Variants in BMPR1B observed in about 807,000 individuals in gnomAD.
The protein encoded by BMPR1B is bone morphogenetic protein receptor type-1B.
Under a neutral mutation model 59.1 loss-of-function variants are expected in BMPR1B, and 12 were observed. That is an observed-to-expected ratio of 0.20 (90% CI 0.13 to 0.33). The LOEUF is 0.33. BMPR1B is among the 10% of genes least tolerant of loss of function. The pLI is 1.00. For missense variants in BMPR1B, 550 were observed against 610.9 expected (o/e 0.90, Z 1.05); for synonymous variants, 237 against 207.3 (o/e 1.14, Z -1.23).
chr4:94,955,637 C>CTTTTTTTT (rs148110827), intron 2 of BMPR1B, among the ~76,000 whole-genome samples: 76,628 of 147,078 alleles, frequency 0.52, 20,404 homozygotes, highest in South Asian at 0.63. Flanking sequence ...ACATTTAATT[C>CTTTTTTTT]TTTTTTTTTA....
chr4:95,000,806 A>G (rs1489089952), intron 3 of BMPR1B, among the ~76,000 whole-genome samples: 1 of 152,192 alleles, frequency 6.6e-6, no homozygotes, highest in African/African-American at 2.4e-5. Flanking sequence ...TTGTGGTTGG[A>G]ATGAGGCATA....
intron 10 of BMPR1B, among the ~76,000 whole-genome samples, chr4:95,143,195 G>C (rs936846420): frequency 2.0e-5 from 3 of 152,206 alleles, no homozygotes; most frequent in Non-Finnish European, 2.9e-5. Context: ...AGGCAGCAGT[G>C]CTGTGCTAAG....
intron 2 of BMPR1B, among the ~76,000 whole-genome samples, chr4:94,948,306 CAT>C (rs1223846361): frequency 6.6e-6 from 1 of 152,154 alleles, no homozygotes; most frequent in African/African-American, 2.4e-5. Flanking sequence ...CTAGATCAAA[CAT>C]GTTCAGAAGC....
intron 2 of BMPR1B, among the ~76,000 whole-genome samples, chr4:94,954,729 A>T (rs1578845733): frequency 6.6e-6 from 1 of 152,120 alleles, no homozygotes; most frequent in African/African-American, 2.4e-5. Context: ...TTTTTAAATG[A>T]TGGAGACCAC....
chr4:94,946,312 C>T (rs1424348013), intron 2 of BMPR1B, among the ~76,000 whole-genome samples: 2 of 152,092 alleles, frequency 1.3e-5, no homozygotes, highest in African/African-American at 4.8e-5. Context: ...CTTAATTTCT[C>T]ATTAAATAAG....
intron 2 of BMPR1B, among the ~76,000 whole-genome samples, chr4:94,926,909 A>T (rs1041825198): frequency 1.3e-5 from 2 of 152,146 alleles, no homozygotes; most frequent in African/African-American, 4.8e-5. Context: ...TTGAAAACTT[A>T]TTAAATGCAT....
Position 94,853,679 on chromosome 4 carries a change from T to C in BMPR1B, c.-182-22152T>C, listed in dbSNP as rs1484462688. 4.6e-5 allele frequency among the ~76,000 whole-genome samples: 7 copies of C among 152,114 alleles called. 1 individual carries two copies. The highest frequency in any genetic ancestry group is 1.0e-4 in the Non-Finnish European group (7 of 67,982). On this transcript the variant is annotated intron_variant, in intron 1 of 12. Transcript: ENST00000515059. ...GGGGGAGGGGAGGAAGAGGAGGTCA[T>C]GGTCAGACTAGCAGCACATGCCGCC... is the stretch of plus-strand genomic sequence containing the variant.
In BMPR1B at chr4:94,782,458, C is replaced by T. The variant is rs116683067; in HGVS notation, c.-183+24390C>T. On this transcript the variant is annotated intron_variant, in intron 1 of 12. Coordinates refer to ENST00000515059, the MANE Select transcript of BMPR1B (RefSeq NM_001203.3). The stretch of plus-strand genomic sequence containing the variant: ...GTAGCTGGACCATAGGTGCATGTGA[C>T]CATACCTGGCTAATTTTTGTATTTG... Among the ~76,000 whole-genome samples the T allele has an allele frequency of 7.3e-3, 1,102 of 151,870 alleles. 6 individuals carry two copies. The highest frequency in any genetic ancestry group is 0.025 in the African/African-American group (1,041 of 41,378).
At chr4:94,780,162 A>T (rs1722535981) in intron 1 of BMPR1B, among the ~76,000 whole-genome samples, 1 of 151,978 alleles carries the variant, frequency 6.6e-6, no homozygotes, top group African/African-American at 2.4e-5. Flanking sequence ...GCTTTTTTTC[A>T]TGTCACTTTA....
At chr4:94,898,751 T>C (rs1239901196) in intron 2 of BMPR1B, among the ~76,000 whole-genome samples, 1 of 152,044 alleles carries the variant, frequency 6.6e-6, no homozygotes, top group Non-Finnish European at 1.5e-5. Context: ...CTTTCAAAAA[T>C]ACTTCTCAGA....
chr4:95,071,648 GTGTGTATATATATATATATA>G (rs1436471574), intron 3 of BMPR1B, among the ~76,000 whole-genome samples: 6 of 104,776 alleles, frequency 5.7e-5, no homozygotes, highest in African/African-American at 2.4e-4. Context: ...GTGTGTGTGT[GTGTGTATATATATATATATA>G]TATATATATA....
chr4:94,852,638 T>G (rs1005252776), intron 1 of BMPR1B, among the ~76,000 whole-genome samples: 1 of 152,146 alleles, frequency 6.6e-6, no homozygotes, highest in African/African-American at 2.4e-5. Context: ...TTTCTTCTTG[T>G]AATGGCAAGC....
chr4:94,770,180 GTGTTTGTTTTTTT>G (rs1180614679), intron 1 of BMPR1B, among the ~76,000 whole-genome samples: 2 of 106,248 alleles, frequency 1.9e-5, no homozygotes, highest in African/African-American at 4.1e-5. Context: ...CTTCGTTTCT[GTGTTTGTTTTTTT>G]TTTTTTTTTT....
At chr4:94,767,716 G>C (rs944355784) in intron 1 of BMPR1B, among the ~76,000 whole-genome samples, 1 of 152,096 alleles carries the variant, frequency 6.6e-6, no homozygotes, top group Non-Finnish European at 1.5e-5. Context: ...TTTGTATGCT[G>C]TGGCATTTAT....
intron 3 of BMPR1B, among the ~76,000 whole-genome samples, chr4:95,001,235 C>G (rs748752219): frequency 5.3e-5 from 8 of 152,018 alleles, no homozygotes; most frequent in Non-Finnish European, 1.0e-4. Flanking sequence ...ATTAATGCAG[C>G]TTTTCTTGTC....
intron 2 of BMPR1B, among the ~76,000 whole-genome samples, chr4:94,908,485 C>T (rs1728152130): frequency 6.6e-6 from 1 of 152,058 alleles, no homozygotes; most frequent in South Asian, 2.1e-4. Flanking sequence ...TCATCCTAAA[C>T]TTCTAAGCAG....
chr4:94,947,409 G>A (rs542119529), intron 2 of BMPR1B, among the ~76,000 whole-genome samples: 2 of 152,234 alleles, frequency 1.3e-5, no homozygotes, highest in Non-Finnish European at 2.9e-5. Context: ...AGTTTGTTTG[G>A]GAATATTGGC....
At chr4:95,031,017 C>T (rs1245947979) in intron 3 of BMPR1B, among the ~76,000 whole-genome samples, 1 of 151,756 alleles carries the variant, frequency 6.6e-6, no homozygotes. Flanking sequence ...TTGGAAAAAA[C>T]TACTTTAAAG....
chr4:94,896,514 C>T (rs1267227731), intron 2 of BMPR1B, among the ~76,000 whole-genome samples: 1 of 151,858 alleles, frequency 6.6e-6, no homozygotes, highest in Non-Finnish European at 1.5e-5. Context: ...TATGTTAATG[C>T]TGGGAACTTC....
Sources: gnomAD v4.1 joint callset for allele counts (sites outside exome capture counted in the v4.1 genomes callset) on GRCh38, gnomAD v4.1.1 for gene constraint, MANE v1.5 for transcripts, NCBI Gene and HGNC (gene_info 2026-07-23, HGNC 2026-07-21) for gene names.